Variants in BMPR2 observed in about 807,000 individuals in gnomAD.
BMPR2 encodes the protein bone morphogenetic protein receptor type 2.
BMPR2 carries 29 observed loss-of-function variants against 100.8 expected under a neutral mutation model. That is an observed-to-expected ratio of 0.29 (90% CI 0.21 to 0.39). BMPR2 has a LOEUF of 0.39. Among genes scored for constraint, BMPR2 ranks in the 10% least tolerant of loss-of-function variants. BMPR2 has a pLI of 1.00. For missense variants in BMPR2, 1,011 were observed against 1,274.5 expected, an observed-to-expected ratio of 0.79 and a Z score of 3.15; for synonymous variants, 382 against 442.3, an observed-to-expected ratio of 0.86 and a Z score of 1.71.
At chr2:202,457,542 T>A (rs1017754938) in intron 1 of BMPR2, among the ~76,000 whole-genome samples, 5 of 134,054 alleles carry the variant, frequency 3.7e-5, no homozygotes, top group Non-Finnish European at 7.9e-5. Flanking sequence ...TAGCAATATT[T>A]TATATATATA....
chr2:202,434,897 AAAAAAAAAAAAATATATAT>A (rs1161764767), intron 1 of BMPR2, among the ~76,000 whole-genome samples: 2 of 72,028 alleles, frequency 2.8e-5, no homozygotes, highest in Non-Finnish European at 5.1e-5. Flanking sequence ...AAAAAAAAAA[AAAAAAAAAAAAATATATAT>A]ATATATATAT....
At chr2:202,475,309 C>T (rs1692524231) in intron 3 of BMPR2, among the ~76,000 whole-genome samples, 1 of 152,128 alleles carries the variant, frequency 6.6e-6, no homozygotes, top group Non-Finnish European at 1.5e-5. Context: ...GTTGGAATTA[C>T]AGGCGTGAGT....
chr2:202,483,960 G>A (rs1028766734), intron 3 of BMPR2, among the ~76,000 whole-genome samples: 32 of 152,238 alleles, frequency 2.1e-4, no homozygotes, highest in African/African-American at 7.7e-4. Flanking sequence ...TGGGCATAGT[G>A]GTGCACACCT....
intron 1 of BMPR2, among the ~76,000 whole-genome samples, chr2:202,423,031 G>C (rs888783973): frequency 6.6e-6 from 1 of 152,036 alleles, no homozygotes; most frequent in Non-Finnish European, 1.5e-5. Flanking sequence ...GTAAAAAGTA[G>C]CAACAAAGAT....
intron 1 of BMPR2, among the ~76,000 whole-genome samples, chr2:202,427,149 G>A (rs964963434): frequency 3.9e-5 from 6 of 152,002 alleles, no homozygotes; most frequent in Admixed American, 2.6e-4. Flanking sequence ...CCTAGAGTTC[G>A]AGACAAACCT....
chr2:202,539,463 A>C (rs990697171), intron 9 of BMPR2, among the ~76,000 whole-genome samples: 4 of 152,124 alleles, frequency 2.6e-5, no homozygotes, highest in Admixed American at 2.6e-4. Flanking sequence ...GAAAAGAAAA[A>C]AGGATCATAT....
At chr2:202,542,221 T>G (rs1688289542) in intron 9 of BMPR2, 90 bp from the exon 10 acceptor site, 3 of 1,469,800 alleles carry the variant, frequency 2.0e-6, no homozygotes, top group East Asian at 2.3e-5. Context: ...CAATTTTTTT[T>G]GCTTACTTGG....
chr2:202,411,452 T>C (rs1691011510), intron 1 of BMPR2, among the ~76,000 whole-genome samples: 1 of 152,150 alleles, frequency 6.6e-6, no homozygotes, highest in Non-Finnish European at 1.5e-5. Context: ...TTACTTTCCT[T>C]GTAGGGTTAA....
In BMPR2 at chr2:202,565,150, A is replaced by G. The variant is rs1688739863; in HGVS notation, c.*5204A>G. The G allele has an allele frequency of 6.6e-6, 1 of 152,102 alleles. No homozygotes were observed. Among genetic ancestry groups the G allele is most frequent in the Admixed American group, 6.6e-5 (1 of 15,262 alleles). The allele number at this position is 152,102 out of a possible 1,614,324, so 9.4% of individuals were successfully genotyped here. A position where few individuals can be genotyped will look rare whatever the true frequency, so the allele number is the denominator to read the frequency against. On this transcript the variant is annotated 3_prime_UTR_variant, in exon 13 of 13. Transcript: ENST00000374580. ...TGTCAGGAAAGTTTTCTTCATATCTATTCTGTCTCCCTCCTCTTTGATTTT... is the reference window on the plus strand; with the variant it reads ...TGTCAGGAAAGTTTTCTTCATATCTGTTCTGTCTCCCTCCTCTTTGATTTT...
intron 1 of BMPR2, among the ~76,000 whole-genome samples, chr2:202,458,488 T>A (rs77272875): frequency 8.5e-5 from 13 of 152,062 alleles, no homozygotes; most frequent in Admixed American, 6.6e-4. Flanking sequence ...TTTTTTTTTT[T>A]AAATTAAATG....
At chr2:202,391,302 T>C (rs1690543821) in intron 1 of BMPR2, among the ~76,000 whole-genome samples, 1 of 151,734 alleles carries the variant, frequency 6.6e-6, no homozygotes. Context: ...TTGTTGTTGT[T>C]GTTGTTGTTG....
Position 202,378,854 on chromosome 2 carries a change from T to C in BMPR2, c.76+1304T>C, listed in dbSNP as rs767305430. Among the ~76,000 whole-genome samples the C allele has an allele frequency of 1.3e-3, 194 of 152,168 alleles. 1 individual carries two copies. The highest frequency in any genetic ancestry group is 2.2e-3 in the Non-Finnish European group (150 of 68,030). ...TAAGCCATGTGGTTCCTGTAAAATA[T>C]GGAGTAAAAGGCCTTAAACGTTCCA... is the stretch of plus-strand genomic sequence containing the variant. On this transcript the variant is annotated intron_variant, in intron 1 of 12. Transcript: ENST00000374580.
intron 5 of BMPR2, among the ~76,000 whole-genome samples, chr2:202,515,243 A>G (rs1687692328): frequency 6.6e-6 from 1 of 152,096 alleles, no homozygotes; most frequent in South Asian, 2.1e-4. Flanking sequence ...GAAGAAAAGT[A>G]CAGTGGATAA....
At position 202,435,281 on chromosome 2, in the gene BMPR2, T is replaced by C. The variant is rs1691591476; in HGVS notation, c.77-29528T>C. Reference sequence around the variant, plus strand: ...CCGGAGGCTAAGGCTGGAGAATTGCTTGAACCCATGAGGCAGAGGTTGCAG... The same window carrying C: ...CCGGAGGCTAAGGCTGGAGAATTGCCTGAACCCATGAGGCAGAGGTTGCAG... On this transcript the variant is annotated intron_variant, in intron 1 of 12. Transcript: ENST00000374580. Among the ~76,000 whole-genome samples, 3 of 146,068 alleles carry C rather than the reference T, an allele frequency of 2.1e-5. No homozygotes were observed. The South Asian group carries it at 6.4e-4, about 31-fold the overall frequency.
intron 12 of BMPR2, among the ~76,000 whole-genome samples, chr2:202,559,207 C>T (rs1012935629): frequency 6.6e-6 from 1 of 151,264 alleles, no homozygotes; most frequent in African/African-American, 2.4e-5. Context: ...GAGGCTGAGG[C>T]GTGAGAATCA....
At chr2:202,388,817 T>G (rs1167626285) in intron 1 of BMPR2, among the ~76,000 whole-genome samples, 5 of 151,912 alleles carry the variant, frequency 3.3e-5, no homozygotes, top group Non-Finnish European at 7.4e-5. Context: ...GATTTTAGTC[T>G]TAGGTTTTTA....
chr2:202,465,140 C>A (rs151176298), intron 2 of BMPR2, among the ~76,000 whole-genome samples, 161 bp downstream of exon 2: 1 of 152,120 alleles, frequency 6.6e-6, no homozygotes, highest in African/African-American at 2.4e-5. Flanking sequence ...AATTCCAGCA[C>A]TTTTCGAGGC....
intron 1 of BMPR2, among the ~76,000 whole-genome samples, chr2:202,384,126 T>TAAA (rs1559020639): frequency 6.6e-6 from 1 of 152,142 alleles, no homozygotes. Flanking sequence ...GAGCCAAGAT[T>TAAA]GTGCCACTTT....
rs1690172396 is a variant in BMPR2 at position 202,377,404 on chromosome 2, C to T, written c.-71C>T. The T allele has an allele frequency of 1.4e-6, 2 of 1,463,770 alleles. No individual in the cohort carries two copies. Among genetic ancestry groups the T allele is most frequent in the Non-Finnish European group, 1.9e-6 (2 of 1,042,980 alleles). 90.7% of individuals were successfully genotyped at this position (1,463,770 alleles called of 1,614,324 possible). ...TCCACGGGAGAGAAGACGAGCCTCC[C>T]GGCTGTTTCTCCGCCGGTCTACTTC... is the stretch of plus-strand genomic sequence containing the variant. On this transcript the variant is annotated 5_prime_UTR_variant, in exon 1 of 13. Transcript: ENST00000374580.
Sources: gnomAD v4.1 joint callset for allele counts (sites outside exome capture counted in the v4.1 genomes callset) on GRCh38, gnomAD v4.1.1 for gene constraint, MANE v1.5 for transcripts, NCBI Gene and HGNC (gene_info 2026-07-23, HGNC 2026-07-21) for gene names.